The following ZCWPW2 variants were observed in gnomAD, a reference collection of about 807,000 sequenced individuals.
ZCWPW2 encodes zinc finger CW-type and PWWP domain containing 2.
In ZCWPW2, 45 loss-of-function variants were observed where a neutral mutation model predicts 46.6. That is an observed-to-expected ratio of 0.96 (90% CI 0.76 to 1.24). The LOEUF is 1.24. ZCWPW2 is among the 50% of genes most tolerant of loss of function. The probability of loss-of-function intolerance (pLI) is 0.00; values close to 1 mark genes in which losing one functional copy is unlikely to be tolerated. For missense variants in ZCWPW2, 429 were observed against 403.9 expected, an observed-to-expected ratio of 1.06 and a Z score of -0.53; for synonymous variants, 152 against 137.1, an observed-to-expected ratio of 1.11 and a Z score of -0.76.
chr3:28,423,305 ATCCTG>A (rs1266755545), intron 3 of ZCWPW2, among the ~76,000 whole-genome samples: 3 of 138,890 alleles, frequency 2.2e-5, no homozygotes, highest in Non-Finnish European at 3.1e-5. Flanking sequence ...TTTCTTATTG[ATCCTG>A]TCCTCTTCAG....
At chr3:28,491,620 C>T (rs1029014468) in intron 5 of ZCWPW2, among the ~76,000 whole-genome samples, 2 of 151,966 alleles carry the variant, frequency 1.3e-5, no homozygotes, top group African/African-American at 4.8e-5. Flanking sequence ...TGGTTCTGGC[C>T]AAGCTGCATG....
At chr3:28,509,751 TA>T (rs550034395) in intron 6 of ZCWPW2, among the ~76,000 whole-genome samples, 36 of 152,316 alleles carry the variant, frequency 2.4e-4, no homozygotes, top group East Asian at 1.7e-3. Flanking sequence ...GATTTGAAAA[TA>T]TTTTTTTCTC....
At chr3:28,435,745 G>A (rs865979674) in intron 4 of ZCWPW2, among the ~76,000 whole-genome samples, 48 of 152,052 alleles carry the variant, frequency 3.2e-4, no homozygotes, top group Admixed American at 2.9e-3. Flanking sequence ...CCCGGCCTCC[G>A]AAAGTGCTGG....
intron 6 of ZCWPW2, among the ~76,000 whole-genome samples, 197 bp downstream of exon 6, chr3:28,492,370 A>G (rs1000396313): frequency 2.6e-5 from 4 of 152,248 alleles, no homozygotes; most frequent in African/African-American, 9.6e-5. Context: ...TATTAATGTT[A>G]TCGGACTGTC....
At position 28,353,178 on chromosome 3, in the gene ZCWPW2, C is replaced by T. The variant is rs148499476; in HGVS notation, c.-134+3975C>T. ...CGGCCTGGGTGACAGACCAAGACTC[C>T]GTCTCAAAAAAAAAAAAATCCTTTA... On this transcript the variant is annotated intron_variant, in intron 1 of 9. Transcript: ENST00000383768. 2.2e-3 allele frequency among the ~76,000 whole-genome samples: 330 copies of T among 149,442 alleles called. 4 individuals are homozygous for T. The highest frequency in any genetic ancestry group is 0.01 in the South Asian group (49 of 4,758).
chr3:28,501,730 C>T (rs1386898371), intron 6 of ZCWPW2, among the ~76,000 whole-genome samples: 1 of 152,058 alleles, frequency 6.6e-6, no homozygotes, highest in Non-Finnish European at 1.5e-5. Flanking sequence ...TACTTTAAAT[C>T]ATCAGTGTAA....
intron 1 of ZCWPW2, among the ~76,000 whole-genome samples, chr3:28,364,635 A>C (rs1290688469): frequency 6.6e-6 from 1 of 152,022 alleles, no homozygotes; most frequent in African/African-American, 2.4e-5. Flanking sequence ...TAATTTTTAA[A>C]TTATGGCCAT....
intron 4 of ZCWPW2, among the ~76,000 whole-genome samples, chr3:28,445,304 A>T (rs898847632): frequency 6.6e-6 from 1 of 151,968 alleles, no homozygotes; most frequent in Non-Finnish European, 1.5e-5. Context: ...ATAGCTCCAC[A>T]TTTTGTTTTC....
chr3:28,375,430 C>T (rs1164481518), intron 1 of ZCWPW2, among the ~76,000 whole-genome samples: 1 of 151,914 alleles, frequency 6.6e-6, no homozygotes, highest in African/African-American at 2.4e-5. Flanking sequence ...TCCTTTCATT[C>T]TTTCTTACTG....
chr3:28,479,817 T>C (rs890380323), intron 5 of ZCWPW2, among the ~76,000 whole-genome samples: 1 of 152,188 alleles, frequency 6.6e-6, no homozygotes, highest in Non-Finnish European at 1.5e-5. Flanking sequence ...GCTAATGGCA[T>C]CCAGCTCCAT....
rs976459330 is a variant in ZCWPW2 at position 28,358,741 on chromosome 3, C to T, written c.-134+9538C>T. Among the ~76,000 whole-genome samples, 4 of 152,120 alleles carry T rather than the reference C, an allele frequency of 2.6e-5. No individual in the cohort carries two copies. In the South Asian group the frequency reaches 8.3e-4, roughly 32 times the overall value. ...AAAAAGGTTTTTCTCCATAGACCAT[C>T]CAAAACTAAGAATCCTCTGAAATCT... On this transcript the variant is annotated intron_variant, in intron 1 of 9. Transcript: ENST00000383768.
chr3:28,513,980 A>C, intron 6 of ZCWPW2, 84 bp from the exon 7 acceptor site: 1 of 1,099,010 alleles, frequency 9.1e-7, no homozygotes, highest in South Asian at 1.8e-5. Context: ...TGACCAAATT[A>C]CTTGAACTGC....
At chr3:28,378,964 C>T (rs1705586034) in intron 1 of ZCWPW2, among the ~76,000 whole-genome samples, 1 of 152,122 alleles carries the variant, frequency 6.6e-6, no homozygotes, top group South Asian at 2.1e-4. Context: ...TATTATCTTT[C>T]TGATTAACTT....
chr3:28,374,517 A>C (rs563282831), intron 1 of ZCWPW2, among the ~76,000 whole-genome samples: 2 of 152,108 alleles, frequency 1.3e-5, no homozygotes, highest in Non-Finnish European at 2.9e-5. Context: ...GAAAAATCTC[A>C]TTGGTAGATT....
intron 4 of ZCWPW2, among the ~76,000 whole-genome samples, chr3:28,470,150 G>A (rs942844137): frequency 1.3e-5 from 2 of 152,080 alleles, no homozygotes; most frequent in Non-Finnish European, 2.9e-5. Flanking sequence ...TAAACACATG[G>A]AAATTAAACA....
intron 1 of ZCWPW2, among the ~76,000 whole-genome samples, chr3:28,353,853 G>A (rs1704639068): frequency 6.6e-6 from 1 of 152,210 alleles, no homozygotes; most frequent in African/African-American, 2.4e-5. Flanking sequence ...CAGCAACAGA[G>A]GAGGTTGGTA....
At chr3:28,487,624 C>T (rs889159220) in intron 5 of ZCWPW2, among the ~76,000 whole-genome samples, 1 of 152,130 alleles carries the variant, frequency 6.6e-6, no homozygotes, top group Non-Finnish European at 1.5e-5. Context: ...GCTGCTTGCT[C>T]TGTCTCTTCA....
At chr3:28,435,031 T>G in intron 3 of ZCWPW2, 79 bp from the exon 4 acceptor site, 1 of 1,490,036 alleles carries the variant, frequency 6.7e-7, no homozygotes, top group South Asian at 1.2e-5. Flanking sequence ...AAGGAGGAAG[T>G]TAATATGCGA....
chr3:28,482,243 A>G (rs1699451691), intron 5 of ZCWPW2, among the ~76,000 whole-genome samples: 1 of 152,206 alleles, frequency 6.6e-6, no homozygotes, highest in African/African-American at 2.4e-5. Context: ...GGTTAGAATC[A>G]TATGATATGT....
Sources: allele counts gnomAD v4.1 joint callset (sites outside exome capture counted in the v4.1 genomes callset), GRCh38; gene constraint gnomAD v4.1.1; transcripts MANE v1.5; gene names NCBI Gene and HGNC (gene_info 2026-07-23, HGNC 2026-07-21).